Variants in LRBA observed in about 807,000 individuals in gnomAD.
The protein encoded by LRBA is LPS responsive beige-like anchor protein.
LRBA carries 176 observed loss-of-function variants against 330.0 expected under a neutral mutation model. The ratio of observed to expected loss-of-function variants is 0.53; its 90% CI spans 0.47 to 0.60. The LOEUF (loss-of-function observed/expected upper bound fraction) is 0.60, where lower values mean the gene tolerates loss of function less well. LRBA is among the 20% of genes least tolerant of loss of function. The pLI is 0.00. For synonymous variants in LRBA, 1,230 were observed against 1,193.0 expected, an observed-to-expected ratio of 1.03 and a Z score of -0.64; for missense variants, 3,259 against 3,444.8, an observed-to-expected ratio of 0.95 and a Z score of 1.35.
intron 34 of LRBA, among the ~76,000 whole-genome samples, chr4:150,775,805 G>GAAAAAAAAAAAAAAAAAAAAAAGAA (rs1737236648): frequency 1.7e-5 from 1 of 59,966 alleles, no homozygotes; most frequent in Non-Finnish European, 3.2e-5. Context: ...AAGAAAGAAT[G>GAAAAAAAAAAAAAAAAAAAAAAGAA]AAAAAAAAAA....
At chr4:150,505,288 C>T (rs1241971788) in intron 40 of LRBA, among the ~76,000 whole-genome samples, 2 of 152,048 alleles carry the variant, frequency 1.3e-5, no homozygotes, top group African/African-American at 4.8e-5. Flanking sequence ...TTTTTTTCAG[C>T]ACCACACCAC....
intron 2 of LRBA, among the ~76,000 whole-genome samples, chr4:150,998,645 G>A (rs186284086): frequency 9.2e-5 from 14 of 152,130 alleles, no homozygotes; most frequent in Admixed American, 2.6e-4. Context: ...ATGAGCAACC[G>A]CACCCGGCAG....
intron 44 of LRBA, among the ~76,000 whole-genome samples, chr4:150,458,179 G>A (rs535507554): frequency 3.3e-5 from 5 of 151,988 alleles, no homozygotes; most frequent in East Asian, 3.9e-4. Context: ...CTGCTATACA[G>A]AGTACTAATG....
chr4:150,583,932 C>T lies in LRBA; in HGVS notation c.6330+4116G>A, dbSNP rs752099479. 5.0e-6 allele frequency: 8 copies of T among 1,612,916 alleles called. No individual in the cohort carries two copies. Among genetic ancestry groups the T allele is most frequent in the South Asian group, 1.1e-5 (1 of 90,754 alleles). On this transcript the variant is annotated intron_variant, in intron 40 of 56. Coordinates refer to ENST00000651943, the MANE Select transcript of LRBA (RefSeq NM_001364905.1). The surrounding 1 kb of genome is among the most constrained non-coding windows in gnomAD (Gnocchi z 9.8). ...AGTCGTGCCTGGGCGACCGGCTCAA[C>T]GGCATCCTGCTGCAGCTCATCTCCT...
intron 40 of LRBA, among the ~76,000 whole-genome samples, chr4:150,568,061 T>G (rs903642292): frequency 6.6e-6 from 1 of 152,040 alleles, no homozygotes; most frequent in Non-Finnish European, 1.5e-5. Context: ...ATCCCAGACC[T>G]TTGGAAGGCT....
intron 37 of LRBA, among the ~76,000 whole-genome samples, chr4:150,652,992 T>TA: frequency 6.6e-6 from 1 of 152,312 alleles, no homozygotes; most frequent in Non-Finnish European, 1.5e-5. Flanking sequence ...ATATCAATTT[T>TA]TTTTTGCTAT....
At chr4:150,313,165 T>C (rs1303880256) in intron 51 of LRBA, among the ~76,000 whole-genome samples, 1 of 152,074 alleles carries the variant, frequency 6.6e-6, no homozygotes, top group Non-Finnish European at 1.5e-5. Context: ...AACATAAAAT[T>C]ATCTGGGGGA....
Position 150,694,462 on chromosome 4 carries a change from C to CAAAA in LRBA, c.5755-10749_5755-10746dup, listed in dbSNP as rs58558446. 4.8e-4 allele frequency among the ~76,000 whole-genome samples: 34 copies of CAAAA among 71,042 alleles called. 4 individuals are homozygous for CAAAA. The highest frequency in any genetic ancestry group is 3.0e-3 in the East Asian group (5 of 1,674). 46.6% of individuals were successfully genotyped at this position (71,042 alleles called of 152,430 possible). On this transcript the variant is annotated intron_variant, in intron 36 of 56. Transcript: ENST00000651943. ...CCTTACCTTAAAGTGTGATCTTTAA[C>CAAAA]AAAAAAAAAAAAAAGCTATCTACAG...
intron 40 of LRBA, among the ~76,000 whole-genome samples, chr4:150,553,338 G>C (rs1434416953): frequency 6.6e-6 from 1 of 151,866 alleles, no homozygotes; most frequent in African/African-American, 2.4e-5. Flanking sequence ...GAAGGGAGAG[G>C]GATAGCATTA....
At chr4:150,381,510 G>A (rs1446684043) in intron 47 of LRBA, among the ~76,000 whole-genome samples, 1 of 152,168 alleles carries the variant, frequency 6.6e-6, no homozygotes, top group African/African-American at 2.4e-5. Context: ...GGTTCATGCT[G>A]TAGCATGTCT....
chr4:150,707,346 G>C (rs992644360), intron 36 of LRBA, among the ~76,000 whole-genome samples: 2 of 151,636 alleles, frequency 1.3e-5, no homozygotes, highest in East Asian at 3.9e-4. Flanking sequence ...GCACAGAAAA[G>C]TTAAAACTAC....
At chr4:150,829,075 C>CAGGTATGT (rs1746763405) in intron 29 of LRBA, among the ~76,000 whole-genome samples, 1 of 151,934 alleles carries the variant, frequency 6.6e-6, no homozygotes. Context: ...GCTGAGACTA[C>CAGGTATGT]AGGTATGTGC....
At chr4:150,755,486 A>G (rs1473968368) in intron 35 of LRBA, among the ~76,000 whole-genome samples, 5 of 152,206 alleles carry the variant, frequency 3.3e-5, no homozygotes, top group Non-Finnish European at 7.3e-5. Flanking sequence ...TTTTTATTAA[A>G]TTAAACACAA....
intron 2 of LRBA, among the ~76,000 whole-genome samples, chr4:151,002,835 C>T (rs1458317260): frequency 6.6e-6 from 1 of 150,772 alleles, no homozygotes; most frequent in East Asian, 2.0e-4. Flanking sequence ...AACATGGTGG[C>T]TGGGCAACAT....
At chr4:150,581,187 T>G in intron 40 of LRBA, 1 of 226,136 alleles carries the variant, frequency 4.4e-6, no homozygotes, top group South Asian at 6.0e-5. Context: ...AACGATAAAA[T>G]AATGGTATTA....
At chr4:150,948,100 C>A (rs1736429061) in intron 2 of LRBA, among the ~76,000 whole-genome samples, 2 of 151,942 alleles carry the variant, frequency 1.3e-5, no homozygotes, top group African/African-American at 4.8e-5. Flanking sequence ...AAAATCCCAG[C>A]AAGACTTTTG....
intron 38 of LRBA, among the ~76,000 whole-genome samples, chr4:150,598,606 T>C (rs1278054684): frequency 6.6e-6 from 1 of 152,164 alleles, no homozygotes; most frequent in Non-Finnish European, 1.5e-5. Context: ...AATACCAGGA[T>C]TGGGCGAAAA....
At chr4:150,889,787 T>C (rs2127084324) in intron 17 of LRBA, among the ~76,000 whole-genome samples, 1 of 152,282 alleles carries the variant, frequency 6.6e-6, no homozygotes, top group South Asian at 2.1e-4. Flanking sequence ...TTACAACTCT[T>C]TGACTCTGTT....
At chr4:150,969,822 T>C (rs1295721828) in intron 2 of LRBA, among the ~76,000 whole-genome samples, 2 of 152,226 alleles carry the variant, frequency 1.3e-5, no homozygotes, top group African/African-American at 4.8e-5. Context: ...CCATGAGTAT[T>C]GTTGAGATAA....
Sources: gnomAD v4.1 joint callset for allele counts (sites outside exome capture counted in the v4.1 genomes callset) on GRCh38, gnomAD v4.1.1 for gene constraint, Gnocchi (gnomAD v3.1) non-coding constraint, MANE v1.5 for transcripts, NCBI Gene and HGNC (gene_info 2026-07-23, HGNC 2026-07-21) for gene names.